SPAG17: variants seen among roughly 807,000 people sequenced by gnomAD.
The protein encoded by SPAG17 is sperm associated antigen 17.
In SPAG17, 169 loss-of-function variants were observed where a neutral mutation model predicts 273.6. The observed-to-expected ratio is 0.62, with a 90% CI of 0.55 to 0.70. The LOEUF (loss-of-function observed/expected upper bound fraction) is 0.70, where lower values mean the gene tolerates loss of function less well. Among genes scored for constraint, SPAG17 ranks in the 30% least tolerant of loss-of-function variants. The pLI, the probability that SPAG17 is intolerant of heterozygous loss-of-function variation, is 0.00. For synonymous variants in SPAG17, 825 were observed against 873.2 expected (o/e 0.94, Z 0.97); for missense variants, 2,557 against 2,627.8 (o/e 0.97, Z 0.59).
chr1:117,995,368 G>A (rs1657539201), intron 34 of SPAG17, among the ~76,000 whole-genome samples: 1 of 151,950 alleles, frequency 6.6e-6, no homozygotes, highest in African/African-American at 2.4e-5. Context: ...GAGCTCCACT[G>A]AAACAGGGTC....
intron 10 of SPAG17, among the ~76,000 whole-genome samples, chr1:118,088,593 T>A (rs1263946740): frequency 6.6e-6 from 1 of 151,796 alleles, no homozygotes; most frequent in Non-Finnish European, 1.5e-5. Flanking sequence ...GATGATAGAG[T>A]CTGAAAAGGA....
rs201622507 is a variant in SPAG17, at chr1:118,182,696, TC to T, written c.87+2374del. Among the ~76,000 whole-genome samples, 954 of 152,300 alleles carry T rather than the reference TC, an allele frequency of 6.3e-3. 15 individuals are homozygous for T. The highest frequency in any genetic ancestry group is 0.022 in the African/African-American group (915 of 41,556). The stretch of plus-strand genomic sequence containing the variant: ...ACATTTTTCTCCCAATCTAAATGTA[TC>T]AGATTTACTTGGTGCACATATTAGT... On this transcript the variant is annotated intron_variant, in intron 1 of 48. Transcript: ENST00000336338.
In SPAG17 at chr1:118,073,960, T is replaced by C. The variant is rs935138337; in HGVS notation, c.2279A>G (p.Lys760Arg). 5.1e-6 allele frequency: 8 copies of C among 1,553,824 alleles called. No homozygotes were observed. Among genetic ancestry groups the C allele is most frequent in the Non-Finnish European group, 6.9e-6 (8 of 1,159,188 alleles). ...TAAATCTGCTTCCACCATCATCTTC[T>C]TGGGTTTCTAAAATATCATAGGAAC... is the stretch of plus-strand genomic sequence containing the variant. ...TKADSHEKKP[K>R]KMMVEADLED... Residue 760 changes from lysine to arginine, a missense_variant, in exon 17 of 49, where the codon AAG becomes AGG. Lys to Arg is a conservative substitution (Grantham distance 26). Transcript: ENST00000336338.
At chr1:118,184,437 G>A (rs1273584239) in intron 1 of SPAG17, among the ~76,000 whole-genome samples, 7 of 152,154 alleles carry the variant, frequency 4.6e-5, no homozygotes, top group African/African-American at 1.7e-4. Flanking sequence ...CCTGTGGTAG[G>A]TGGTTTGTAG....
intron 40 of SPAG17, among the ~76,000 whole-genome samples, chr1:117,985,378 G>C (rs1018648503): frequency 2.6e-5 from 4 of 152,102 alleles, no homozygotes; most frequent in African/African-American, 9.7e-5. Context: ...TTTAAAGAGG[G>C]CTGACTCAAC....
chr1:118,103,672 G>A (rs1656209614), intron 4 of SPAG17, among the ~76,000 whole-genome samples: 1 of 152,096 alleles, frequency 6.6e-6, no homozygotes, highest in African/African-American at 2.4e-5. Context: ...AGATAAAAAT[G>A]TAACTATAAA....
chr1:117,955,009 T>C (rs1651960413), intron 48 of SPAG17: 1 of 382,894 alleles, frequency 2.6e-6, no homozygotes. Flanking sequence ...TGGGAGAATG[T>C]ATGTTTATCT....
intron 1 of SPAG17, among the ~76,000 whole-genome samples, chr1:118,183,885 A>T (rs920225239): frequency 6.6e-6 from 1 of 152,222 alleles, no homozygotes; most frequent in African/African-American, 2.4e-5. Flanking sequence ...GTGCTTTTAC[A>T]AAGTGCTTTG....
At chr1:118,082,308 T>C (rs1190109266) in intron 13 of SPAG17, among the ~76,000 whole-genome samples, 1 of 152,208 alleles carries the variant, frequency 6.6e-6, no homozygotes, top group Non-Finnish European at 1.5e-5. Context: ...CTTTAGAAGT[T>C]CCAAGGTAGA....
intron 1 of SPAG17, among the ~76,000 whole-genome samples, chr1:118,173,940 C>G (rs1176101211): frequency 4.0e-5 from 6 of 151,344 alleles, no homozygotes; most frequent in African/African-American, 1.5e-4. Context: ...AGATTTTAAG[C>G]CTTTATCCTG....
At chr1:118,058,208 C>CTATT (rs1229125053) in intron 18 of SPAG17, among the ~76,000 whole-genome samples, 1 of 151,780 alleles carries the variant, frequency 6.6e-6, no homozygotes, top group Admixed American at 6.6e-5. Context: ...ATGCAAGCTG[C>CTATT]TATTTATTTA....
At chr1:117,988,033 C>T (rs777561873) in intron 39 of SPAG17, 72 bp downstream of exon 39, 54 of 1,441,704 alleles carry the variant, frequency 3.7e-5, no homozygotes, top group Middle Eastern at 1.8e-4. Context: ...AAAGTTATAG[C>T]ACCTGCATAT....
chr1:118,170,965 T>C (rs1353830350), intron 1 of SPAG17, among the ~76,000 whole-genome samples: 1 of 152,190 alleles, frequency 6.6e-6, no homozygotes, highest in Non-Finnish European at 1.5e-5. Flanking sequence ...ATTTTTAAAC[T>C]GGGAATTAAC....
At chr1:118,017,869 A>G (rs1660128549) in intron 28 of SPAG17, among the ~76,000 whole-genome samples, 1 of 152,166 alleles carries the variant, frequency 6.6e-6, no homozygotes, top group African/African-American at 2.4e-5. Context: ...AAACTGGCCA[A>G]GGATCAGCTC....
intron 7 of SPAG17, among the ~76,000 whole-genome samples, chr1:118,095,171 C>G (rs1346644686): frequency 6.6e-6 from 1 of 152,218 alleles, no homozygotes; most frequent in Non-Finnish European, 1.5e-5. Flanking sequence ...CTACCACTTT[C>G]TTTAAAAGGA....
At chr1:118,059,815 C>A (rs1652093144) in intron 18 of SPAG17, among the ~76,000 whole-genome samples, 1 of 151,964 alleles carries the variant, frequency 6.6e-6, no homozygotes, top group Non-Finnish European at 1.5e-5. Flanking sequence ...CTCACTTTCA[C>A]CTTATTTGTG....
At chr1:118,019,738 A>T (rs944124614) in intron 28 of SPAG17, among the ~76,000 whole-genome samples, 1 of 152,236 alleles carries the variant, frequency 6.6e-6, no homozygotes, top group Non-Finnish European at 1.5e-5. Context: ...ATTATCCTCA[A>T]AGCAACAACA....
In SPAG17 at chr1:117,986,487, CTCT is replaced by C. The variant is rs770786747; in HGVS notation, c.5669+1344_5669+1346del. 2.5e-4 allele frequency among the ~76,000 whole-genome samples: 38 copies of C among 152,300 alleles called. No homozygotes were observed. The East Asian group carries it at 3.5e-3, about 14-fold the overall frequency. ...GACACTCATCTAATTATATGTTTCA[CTCT>C]TCTTCAAAAAACTTTCACTGGCTTG... On this transcript the variant is annotated intron_variant, in intron 40 of 48. Transcript: ENST00000336338.
intron 4 of SPAG17, among the ~76,000 whole-genome samples, chr1:118,104,459 G>A (rs752549767): frequency 2.0e-5 from 3 of 152,222 alleles, no homozygotes; most frequent in Non-Finnish European, 4.4e-5. Context: ...TCTCTCCCTA[G>A]AAGAGAAATT....
Sources: allele counts gnomAD v4.1 joint callset (sites outside exome capture counted in the v4.1 genomes callset), GRCh38; gene constraint gnomAD v4.1.1; transcripts MANE v1.5; gene names NCBI Gene and HGNC (gene_info 2026-07-23, HGNC 2026-07-21).